Variants in AOX1 observed in about 807,000 individuals in gnomAD.
AOX1 encodes aldehyde oxidase.
AOX1 carries 153 observed loss-of-function variants against 169.5 expected under a neutral mutation model. That is an observed-to-expected ratio of 0.90 (90% confidence interval 0.79 to 1.03). The LOEUF (loss-of-function observed/expected upper bound fraction) is 1.03. Among genes scored for constraint, AOX1 ranks in the 50% least tolerant of loss-of-function variants. The pLI, the probability that AOX1 is intolerant of heterozygous loss-of-function variation, is 0.00. For missense variants in AOX1, 1,656 were observed against 1,663.9 expected (o/e 1.00, Z 0.08); for synonymous variants, 562 against 581.9 (o/e 0.97, Z 0.49).
chr2:200,634,079 G>A (rs2035179822), intron 20 of AOX1, among the ~76,000 whole-genome samples: 1 of 151,496 alleles, frequency 6.6e-6, no homozygotes, highest in Non-Finnish European at 1.5e-5. Flanking sequence ...GCCTGGAGTA[G>A]AGTGCTTATT....
intron 10 of AOX1, among the ~76,000 whole-genome samples, 198 bp from the exon 11 acceptor site, chr2:200,608,786 A>G (rs2034568760): frequency 6.6e-6 from 1 of 151,756 alleles, no homozygotes; most frequent in African/African-American, 2.4e-5. Context: ...TATCCCTACC[A>G]CCATCGCCTC....
At chr2:200,635,157 G>A (rs112071728) in intron 21 of AOX1, among the ~76,000 whole-genome samples, 17 of 151,874 alleles carry the variant, frequency 1.1e-4, no homozygotes, top group African/African-American at 3.4e-4. Flanking sequence ...ATTTCTTCAG[G>A]GACTGAAGAA....
At chr2:200,620,951 G>A (rs1294202141) in intron 17 of AOX1, 132 bp downstream of exon 17, 1 of 1,301,660 alleles carries the variant, frequency 7.7e-7, no homozygotes, top group Admixed American at 2.4e-5. Context: ...AGGTGAAACA[G>A]GATCGAAATG....
rs2034783171 is a variant in AOX1 at position 200,617,382 on chromosome 2, A to T, written c.1704+1319A>T. 3.3e-5 allele frequency among the ~76,000 whole-genome samples: 5 copies of T among 151,572 alleles called. No individual in the cohort carries two copies. The South Asian group carries it at 1.0e-3, about 32-fold the overall frequency. ...TTCAAAAGATCACCAGTTTGAGGAG[A>T]CAGCATTCTTCCTTCCATAGTATCT... On this transcript the variant is annotated intron_variant, in intron 16 of 34. Coordinates refer to ENST00000374700, the MANE Select transcript of AOX1 (RefSeq NM_001159.4).
At chr2:200,659,736 TTTA>T (rs1275184930) in intron 28 of AOX1, among the ~76,000 whole-genome samples, 2 of 151,972 alleles carry the variant, frequency 1.3e-5, no homozygotes, top group Admixed American at 6.6e-5. Flanking sequence ...CAAGAGGTTT[TTTA>T]TTAAGTCTTG....
At chr2:200,677,876 C>A (rs564800430), downstream of AOX1, among the ~76,000 whole-genome samples, 1 of 152,190 alleles carries the variant, frequency 6.6e-6, no homozygotes, top group Non-Finnish European at 1.5e-5. Flanking sequence ...CCCTGCATGT[C>A]GCACACTCCA....
intron 19 of AOX1, 109 bp downstream of exon 19, chr2:200,624,092 G>A (rs2034949365): frequency 7.3e-7 from 1 of 1,365,546 alleles, no homozygotes; most frequent in South Asian, 1.3e-5. Flanking sequence ...GGCCTCCAAA[G>A]CACACGGACT....
At chr2:200,599,454 C>T (rs1303777218) in intron 4 of AOX1, among the ~76,000 whole-genome samples, 166 bp from the exon 5 acceptor site, 1 of 152,180 alleles carries the variant, frequency 6.6e-6, no homozygotes, top group Non-Finnish European at 1.5e-5. Flanking sequence ...AACAACCCAG[C>T]CCTGGGGAGG....
chr2:200,644,581 G>A (rs2035414901), intron 25 of AOX1, among the ~76,000 whole-genome samples: 1 of 152,104 alleles, frequency 6.6e-6, no homozygotes, highest in African/African-American at 2.4e-5. Flanking sequence ...TTCTAATTCT[G>A]TGAAGAACAA....
intron 19 of AOX1, among the ~76,000 whole-genome samples, chr2:200,625,667 T>A (rs574520810): frequency 6.6e-6 from 1 of 152,276 alleles, no homozygotes; most frequent in South Asian, 2.1e-4. Flanking sequence ...CTAAGAAAAA[T>A]TCAGAAAATT....
At chr2:200,637,663 G>C (rs1378272125) in intron 22 of AOX1, among the ~76,000 whole-genome samples, 5 of 151,908 alleles carry the variant, frequency 3.3e-5, no homozygotes, top group Non-Finnish European at 7.4e-5. Flanking sequence ...TTTAAATATA[G>C]ACTTTGCTTT....
chr2:200,655,329 AT>A (rs2035661274), intron 26 of AOX1, among the ~76,000 whole-genome samples: 1 of 152,174 alleles, frequency 6.6e-6, no homozygotes, highest in African/African-American at 2.4e-5. Context: ...ATCACCTGAC[AT>A]CTGATGCATG....
In AOX1 at chr2:200,651,036, C is replaced by A. The variant is rs149415945; in HGVS notation, c.2910C>A (p.Ala970=). The change falls in exon 26 of 35, where the codon GCC becomes GCA. Residue 970 remains alanine, a synonymous_variant. Coordinates refer to ENST00000374700, the MANE Select transcript of AOX1 (RefSeq NM_001159.4). ...CACCCTACAAACAAGAGATCAATGC[C>A]AAGAACCTAATCCAGTGTTGGAGAG... The part of the protein sequence containing the change: ...DQTPYKQEIN[A]KNLIQCWREC... 1 of 1,614,198 alleles carries A rather than the reference C, an allele frequency of 6.2e-7. No homozygotes were observed. Among genetic ancestry groups the A allele is most frequent in the East Asian group, 2.2e-5 (1 of 44,888 alleles).
chr2:200,655,056 A>G (rs923357967), intron 26 of AOX1, among the ~76,000 whole-genome samples: 2 of 152,246 alleles, frequency 1.3e-5, no homozygotes. Flanking sequence ...CACATGGGCC[A>G]AGTCCAACTA....
intron 15 of AOX1, 49 bp downstream of exon 15, chr2:200,614,015 G>T: frequency 6.4e-7 from 1 of 1,556,172 alleles, no homozygotes; most frequent in South Asian, 1.2e-5. Context: ...GAGCTATGAT[G>T]ACACCAAAAG....
Position 200,656,923 on chromosome 2 carries a change from A to G in AOX1, c.3157A>G (p.Thr1053Ala). 2 of 1,577,412 alleles carry G rather than the reference A, an allele frequency of 1.3e-6. No homozygotes were observed. The highest frequency in any genetic ancestry group is 8.6e-7 in the Non-Finnish European group (1 of 1,160,906). Residue 1053 changes from threonine to alanine, a missense_variant, in exon 27 of 35, where the codon ACT becomes GCT. Transcript: ENST00000374700. ...GGIEMGQGVH[T>A]KMIQVVSREL... is the part of the protein sequence containing the mutation. ...AATTGAAATGGGGCAGGGGGTCCAC[A>G]CTAAAATGATTCAGGTAAGAATGCA...
At chr2:200,588,726 C>CTTTTTGTTTTTTTTTTTTTTTTTT (rs2034096393) in intron 1 of AOX1, among the ~76,000 whole-genome samples, 1 of 53,986 alleles carries the variant, frequency 1.9e-5, no homozygotes, top group Non-Finnish European at 3.9e-5. Flanking sequence ...CTAGAATAAG[C>CTTTTTGTTTTTTTTTTTTTTTTTT]TTTTTTTTTT....
chr2:200,606,844 CTT>C (rs1290647392), intron 10 of AOX1, among the ~76,000 whole-genome samples: 1 of 152,144 alleles, frequency 6.6e-6, no homozygotes, highest in Admixed American at 6.5e-5. Context: ...TATCCTGAGA[CTT>C]TGCTGAATTT....
downstream of AOX1, among the ~76,000 whole-genome samples, chr2:200,674,141 A>G (rs2105782152): frequency 6.6e-6 from 1 of 152,330 alleles, no homozygotes; most frequent in African/African-American, 2.4e-5. Flanking sequence ...TCTCTCCCTC[A>G]ACTCACACCT....
Sources: gnomAD v4.1 joint callset for allele counts (sites outside exome capture counted in the v4.1 genomes callset) on GRCh38, gnomAD v4.1.1 for gene constraint, MANE v1.5 for transcripts, NCBI Gene and HGNC (gene_info 2026-07-23, HGNC 2026-07-21) for gene names.